ELMO1: variants seen among roughly 807,000 people sequenced by gnomAD.
ELMO1 encodes engulfment and cell motility protein 1.
ELMO1 carries 26 observed loss-of-function variants against 98.9 expected under a neutral mutation model. The ratio of observed to expected loss-of-function variants is 0.26; its 90% CI spans 0.19 to 0.36. The LOEUF (loss-of-function observed/expected upper bound fraction) is 0.36, where lower values mean the gene tolerates loss of function less well. Among genes scored for constraint, ELMO1 ranks in the 10% least tolerant of loss-of-function variants. The pLI is 1.00. For missense variants in ELMO1, 627 were observed against 935.2 expected (o/e 0.67, Z 4.30); for synonymous variants, 346 against 346.0 (o/e 1.00, Z 0.00).
chr7:37,340,497 C>T (rs187315222), intron 2 of ELMO1, among the ~76,000 whole-genome samples: 32 of 152,280 alleles, frequency 2.1e-4, no homozygotes, highest in Non-Finnish European at 3.2e-4. Context: ...CGTGACAATT[C>T]GTATCCCTGG....
intron 13 of ELMO1, among the ~76,000 whole-genome samples, chr7:37,200,745 C>T (rs1175164614): frequency 6.6e-6 from 1 of 152,036 alleles, no homozygotes; most frequent in African/African-American, 2.4e-5. Context: ...GCGGGTGGGT[C>T]GCTTGAGCTC....
chr7:37,281,567 A>C lies in ELMO1; in HGVS notation c.193-9685T>G, dbSNP rs183694140. On this transcript the variant is annotated intron_variant, in intron 4 of 21. Transcript: ENST00000310758. The stretch of plus-strand genomic sequence containing the variant: ...ATGATCTTCAGCCCATCTGCTTTAG[A>C]ATCACCATGGGTGAGTGTTAGAATG... 1.2e-3 allele frequency among the ~76,000 whole-genome samples: 186 copies of C among 152,300 alleles called. 1 individual carries two copies. The highest frequency in any genetic ancestry group is 3.8e-3 in the African/African-American group (160 of 41,568).
chr7:37,349,169 A>G (rs1474602019), intron 1 of ELMO1, among the ~76,000 whole-genome samples: 1 of 152,166 alleles, frequency 6.6e-6, no homozygotes, highest in Non-Finnish European at 1.5e-5. Context: ...TCCACTCCTC[A>G]GCCCCTTCCT....
At chr7:37,349,893 C>A (rs1801181019) in intron 1 of ELMO1, among the ~76,000 whole-genome samples, 1 of 152,200 alleles carries the variant, frequency 6.6e-6, no homozygotes, top group Non-Finnish European at 1.5e-5. Flanking sequence ...CTGAAATTGT[C>A]TCAATACCTT....
intron 2 of ELMO1, among the ~76,000 whole-genome samples, chr7:37,330,819 G>A (rs1353704799): frequency 6.6e-6 from 1 of 152,018 alleles, no homozygotes; most frequent in Non-Finnish European, 1.5e-5. Flanking sequence ...GCTTCTCTTG[G>A]GTATATCTGA....
intron 15 of ELMO1, among the ~76,000 whole-genome samples, chr7:37,088,782 A>G (rs547225196): frequency 6.6e-6 from 1 of 152,332 alleles, no homozygotes; most frequent in South Asian, 2.1e-4. Flanking sequence ...TCACCTTCAA[A>G]TGACTTTTAT....
At chr7:37,328,595 G>A (rs1257262521) in intron 2 of ELMO1, among the ~76,000 whole-genome samples, 1 of 152,090 alleles carries the variant, frequency 6.6e-6, no homozygotes, top group African/African-American at 2.4e-5. Flanking sequence ...GGAGCTGGGT[G>A]CCTTGGTTCC....
At chr7:36,927,893 G>T (rs182429377) in intron 16 of ELMO1, among the ~76,000 whole-genome samples, 3 of 152,260 alleles carry the variant, frequency 2.0e-5, no homozygotes. Context: ...GAAGAGATTT[G>T]GGAGTTCAAA....
At chr7:37,420,639 G>A (rs1804433907) in intron 1 of ELMO1, among the ~76,000 whole-genome samples, 1 of 152,222 alleles carries the variant, frequency 6.6e-6, no homozygotes, top group Admixed American at 6.5e-5. Context: ...AGACACTGAT[G>A]CCCCGTGTAA....
intron 15 of ELMO1, among the ~76,000 whole-genome samples, chr7:37,048,140 G>C (rs552393632): frequency 6.6e-6 from 1 of 152,272 alleles, no homozygotes; most frequent in African/African-American, 2.4e-5. Context: ...TGTTGAGAGG[G>C]AGGCTTGTCC....
intron 10 of ELMO1, chr7:37,217,770 C>G (rs1321334827): frequency 2.2e-6 from 1 of 457,020 alleles, no homozygotes; most frequent in African/African-American, 2.0e-5. Context: ...ACGGCGTCAT[C>G]GCCACCACAG....
intron 14 of ELMO1, among the ~76,000 whole-genome samples, chr7:37,127,707 T>C (rs1044848485): frequency 6.6e-6 from 1 of 152,178 alleles, no homozygotes; most frequent in African/African-American, 2.4e-5. Context: ...CTGCTAGTCA[T>C]AGCCTTTTTC....
At chr7:37,116,965 G>A (rs545622712) in intron 14 of ELMO1, 1 of 212,734 alleles carries the variant, frequency 4.7e-6, no homozygotes, top group South Asian at 8.8e-5. Flanking sequence ...GATATTTGGA[G>A]AGGCCCAGTG....
chr7:36,879,163 A>T (rs1804218798), intron 18 of ELMO1, among the ~76,000 whole-genome samples: 1 of 152,254 alleles, frequency 6.6e-6, no homozygotes, highest in South Asian at 2.1e-4. Flanking sequence ...AGAGGACTCC[A>T]GCCCTGACAG....
intron 15 of ELMO1, among the ~76,000 whole-genome samples, chr7:37,081,661 G>A (rs111404445): frequency 2.1e-4 from 32 of 152,254 alleles, no homozygotes; most frequent in Non-Finnish European, 3.7e-4. Context: ...CAGGTAAGAC[G>A]TGCCTTTTGC....
chr7:37,188,234 A>G (rs1301076375), intron 13 of ELMO1, among the ~76,000 whole-genome samples: 3 of 152,144 alleles, frequency 2.0e-5, no homozygotes, highest in Non-Finnish European at 1.5e-5. Flanking sequence ...ACCAAAACCA[A>G]TCAAGAAGAG....
Position 37,065,805 on chromosome 7 carries a change from C to T in ELMO1, c.1300+30814G>A, listed in dbSNP as rs151067238. ...ATAGAGACACTGCCTGCCCTAACAA[C>T]ATTCACGCAATCTGGGAAAAAGAAA... On this transcript the variant is annotated intron_variant, in intron 15 of 21. Transcript: ENST00000310758. Among the ~76,000 whole-genome samples the T allele has an allele frequency of 1.0e-3, 154 of 152,300 alleles. 1 individual carries two copies. The highest frequency in any genetic ancestry group is 3.6e-3 in the African/African-American group (150 of 41,578).
rs147244773 is a variant in ELMO1, at chr7:37,188,671, G to A, written c.1086+22715C>T. Among the ~76,000 whole-genome samples, 92 of 152,034 alleles carry A rather than the reference G, an allele frequency of 6.1e-4. 2 individuals are homozygous for A. The East Asian group carries it at 0.016, about 27-fold the overall frequency. On this transcript the variant is annotated intron_variant, in intron 13 of 21. Transcript: ENST00000310758. ...TTTAGAGTTATGAAACGGCCTAGGC[G>A]TTAGAAACAGCCACTTTCTAAGACT...
At chr7:37,096,757 G>T in intron 14 of ELMO1, 30 bp from the exon 15 acceptor site, 5 of 1,585,986 alleles carry the variant, frequency 3.2e-6, no homozygotes, top group Non-Finnish European at 4.3e-6. Flanking sequence ...AGATTAGAAA[G>T]GAAATTCAAT....
Sources: gnomAD v4.1 joint callset for allele counts (sites outside exome capture counted in the v4.1 genomes callset) on GRCh38, gnomAD v4.1.1 for gene constraint, MANE v1.5 for transcripts, NCBI Gene and HGNC (gene_info 2026-07-23, HGNC 2026-07-21) for gene names.